HS6ST3: variants seen among roughly 807,000 people sequenced by gnomAD.
The protein encoded by HS6ST3 is heparan-sulfate 6-O-sulfotransferase 3.
Under a neutral mutation model 36.7 loss-of-function variants are expected in HS6ST3, and 12 were observed. The ratio of observed to expected loss-of-function variants is 0.33; its 90% CI spans 0.21 to 0.53. HS6ST3 has a LOEUF of 0.53. Among genes scored for constraint, HS6ST3 ranks in the 20% least tolerant of loss-of-function variants. The pLI, the probability that HS6ST3 is intolerant of heterozygous loss-of-function variation, is 0.95. For synonymous variants in HS6ST3, 240 were observed against 257.5 expected (o/e 0.93, Z 0.65); for missense variants, 584 against 640.9 (o/e 0.91, Z 0.96).
intron 1 of HS6ST3, among the ~76,000 whole-genome samples, chr13:96,124,482 GA>G (rs1052526169): frequency 2.5e-4 from 38 of 152,140 alleles, no homozygotes; most frequent in Admixed American, 1.9e-3. Context: ...ATAAATGAAG[GA>G]AAAAAATAAG....
At chr13:96,536,280 T>C (rs954738179) in intron 1 of HS6ST3, among the ~76,000 whole-genome samples, 3 of 152,246 alleles carry the variant, frequency 2.0e-5, no homozygotes, top group Non-Finnish European at 4.4e-5. Flanking sequence ...TTTGGTCTAA[T>C]CACATATTTC....
intron 1 of HS6ST3, among the ~76,000 whole-genome samples, chr13:96,808,314 G>A (rs1566458928): frequency 6.6e-6 from 1 of 152,202 alleles, no homozygotes; most frequent in East Asian, 1.9e-4. Context: ...GTGGGACCAT[G>A]TGACTAGTTT....
chr13:96,521,944 G>A (rs2056095090), intron 1 of HS6ST3, among the ~76,000 whole-genome samples: 1 of 152,012 alleles, frequency 6.6e-6, no homozygotes, highest in Non-Finnish European at 1.5e-5. Flanking sequence ...TGTGATGTTA[G>A]GGTGTCGATT....
intron 1 of HS6ST3, among the ~76,000 whole-genome samples, chr13:96,618,536 T>C (rs1185643843): frequency 6.6e-6 from 1 of 152,204 alleles, no homozygotes; most frequent in African/African-American, 2.4e-5. Flanking sequence ...CTTATTTGCA[T>C]AGGTTCCTTC....
At chr13:96,551,717 G>A (rs2056220121) in intron 1 of HS6ST3, among the ~76,000 whole-genome samples, 2 of 152,184 alleles carry the variant, frequency 1.3e-5, no homozygotes, top group African/African-American at 4.8e-5. Context: ...TACTCAGGAT[G>A]CAAAGTTTGC....
At chr13:96,339,159 G>T (rs2139425134) in intron 1 of HS6ST3, among the ~76,000 whole-genome samples, 1 of 152,172 alleles carries the variant, frequency 6.6e-6, no homozygotes, top group South Asian at 2.1e-4. Flanking sequence ...AGCCAAGTGT[G>T]GTGTGTTTAA....
chr13:96,812,519 C>G (rs545431187), intron 1 of HS6ST3, among the ~76,000 whole-genome samples: 10 of 152,152 alleles, frequency 6.6e-5, no homozygotes, highest in Non-Finnish European at 1.5e-4. Context: ...GAAAAGAGCT[C>G]TAAAGTTGAC....
intron 1 of HS6ST3, among the ~76,000 whole-genome samples, chr13:96,329,268 G>C (rs2055051373): frequency 6.8e-6 from 1 of 146,256 alleles, no homozygotes; most frequent in African/African-American, 2.6e-5. Context: ...TTTTAATTGT[G>C]ATGTCAGGGT....
rs200722394 is a variant in HS6ST3, at chr13:96,138,257, A to G, written c.707+46688A>G. Among the ~76,000 whole-genome samples the G allele has an allele frequency of 3.3e-5, 5 of 152,100 alleles. No individual in the cohort carries two copies. In the East Asian group the frequency reaches 9.6e-4, roughly 29 times the overall value. ...TCTTTTTGAAATAAAGTAGTGAATT[A>G]TATTTGTTATCACTTTATACTAGCT... is the stretch of plus-strand genomic sequence containing the variant. On this transcript the variant is annotated intron_variant, in intron 1 of 1. Transcript: ENST00000376705.
At chr13:96,345,864 AT>A (rs1177829683) in intron 1 of HS6ST3, among the ~76,000 whole-genome samples, 1 of 152,230 alleles carries the variant, frequency 6.6e-6, no homozygotes, top group African/African-American at 2.4e-5. Flanking sequence ...CACCAAAAAA[AT>A]CTCATAATAT....
At chr13:96,616,453 C>T (rs999475779) in intron 1 of HS6ST3, among the ~76,000 whole-genome samples, 9 of 152,142 alleles carry the variant, frequency 5.9e-5, no homozygotes, top group African/African-American at 1.2e-4. Context: ...ATTATCAGCA[C>T]TGCCACCAGT....
chr13:96,832,532 T>C lies in HS6ST3; in HGVS notation c.750T>C (p.Arg250=), dbSNP rs758073303. The C allele has an allele frequency of 3.7e-6, 6 of 1,604,176 alleles. No individual in the cohort carries two copies. Among genetic ancestry groups the C allele is most frequent in the Non-Finnish European group, 5.1e-6 (6 of 1,176,228 alleles). ...CAATGTTACGGGATCCAGTGTCACGTTACCTGAGCGAGTGGAAACATGTCC... is the reference window on the plus strand; with the variant it reads ...CAATGTTACGGGATCCAGTGTCACGCTACCTGAGCGAGTGGAAACATGTCC... ...YITMLRDPVS[R]YLSEWKHVQR... is the part of the protein sequence containing the mutation. Residue 250 remains arginine, a synonymous_variant, in exon 2 of 2, where the codon CGT becomes CGC. Transcript: ENST00000376705.
intron 1 of HS6ST3, among the ~76,000 whole-genome samples, chr13:96,765,588 T>TCTCTCTCTC (rs1877089470): frequency 2.2e-4 from 32 of 142,704 alleles, no homozygotes; most frequent in Non-Finnish European, 3.7e-4. Context: ...CTCTCTCTCT[T>TCTCTCTCTC]TCTCTCTCTC....
At chr13:96,400,244 C>T (rs1302857797) in intron 1 of HS6ST3, among the ~76,000 whole-genome samples, 1 of 150,854 alleles carries the variant, frequency 6.6e-6, no homozygotes, top group Admixed American at 6.6e-5. Flanking sequence ...CAGACACACA[C>T]AGATACACAC....
At chr13:96,610,628 G>A (rs560183337) in intron 1 of HS6ST3, among the ~76,000 whole-genome samples, 1 of 152,054 alleles carries the variant, frequency 6.6e-6, no homozygotes, top group African/African-American at 2.4e-5. Flanking sequence ...TCCATCAGAC[G>A]GTAAAGTATG....
intron 1 of HS6ST3, among the ~76,000 whole-genome samples, chr13:96,576,605 C>T (rs2056322150): frequency 6.6e-6 from 1 of 152,096 alleles, no homozygotes; most frequent in African/African-American, 2.4e-5. Flanking sequence ...ATTGGCCACG[C>T]AAGAATTTAC....
At chr13:96,810,884 A>C (rs528850934) in intron 1 of HS6ST3, among the ~76,000 whole-genome samples, 15 of 152,354 alleles carry the variant, frequency 9.8e-5, no homozygotes, top group South Asian at 2.1e-4. Context: ...TACTTGTGTT[A>C]GTCAAAAATA....
At position 96,838,392 on chromosome 13, in the gene HS6ST3, A is replaced by G. The variant is rs886288992; in HGVS notation, c.*5194A>G. The G allele has an allele frequency of 6.6e-6, 1 of 152,188 alleles. No individual in the cohort carries two copies. Among genetic ancestry groups the G allele is most frequent in the Non-Finnish European group, 1.5e-5 (1 of 68,050 alleles). 9.4% of individuals were successfully genotyped at this position (152,188 alleles called of 1,614,324 possible). A position where few individuals can be genotyped will look rare whatever the true frequency, so the allele number is the denominator to read the frequency against. On this transcript the variant is annotated 3_prime_UTR_variant, in exon 2 of 2. Transcript: ENST00000376705. ...GTTGGAAGGATCAGATCAAAGAGAA[A>G]GCTGGGTTGGACTTACACAAGAATA...
At chr13:96,612,934 G>C (rs537189067) in intron 1 of HS6ST3, among the ~76,000 whole-genome samples, 8 of 152,212 alleles carry the variant, frequency 5.3e-5, no homozygotes, top group African/African-American at 1.9e-4. Flanking sequence ...TCAACACTCT[G>C]AGCAACCTTC....
Sources: gnomAD v4.1 joint callset for allele counts (sites outside exome capture counted in the v4.1 genomes callset) on GRCh38, gnomAD v4.1.1 for gene constraint, MANE v1.5 for transcripts, NCBI Gene and HGNC (gene_info 2026-07-23, HGNC 2026-07-21) for gene names.